Variants in CCND2 observed in about 807,000 individuals in gnomAD.
CCND2 encodes the protein G1/S-specific cyclin-D2.
A neutral mutation model predicts 30.2 loss-of-function variants in CCND2; 6 were observed. The observed-to-expected ratio is 0.20, with a 90% confidence interval of 0.11 to 0.39. The LOEUF is 0.39. Ranked by LOEUF, CCND2 falls within the 10% of genes least tolerant of loss-of-function variation. CCND2 has a pLI of 1.00. For synonymous variants in CCND2, 150 were observed against 153.1 expected, an observed-to-expected ratio of 0.98 and a Z score of 0.15; for missense variants, 235 against 373.4, an observed-to-expected ratio of 0.63 and a Z score of 3.06.
rs1035691680 is a variant in CCND2 at position 4,299,181 on chromosome 12, G to A, written c.721-679G>A. 6.6e-6 allele frequency among the ~76,000 whole-genome samples: 1 copy of A among 152,020 alleles called. No individual in the cohort carries two copies. Among genetic ancestry groups the A allele is most frequent in the Non-Finnish European group, 1.5e-5 (1 of 68,000 alleles). On this transcript the variant is annotated intron_variant, in intron 4 of 4. Transcript: ENST00000261254. This position sits in a 1 kb window ranked among gnomAD's most constrained non-coding sequence, Gnocchi z 5.2. ...TCGAGGCCAGCCTGGCCAATATGGT[G>A]AAACCCTGTCTGTACTAAAAATACA...
chr12:4,297,031 G>A lies in CCND2; in HGVS notation c.721-2829G>A, dbSNP rs139748569. Among the ~76,000 whole-genome samples the A allele has an allele frequency of 4.3e-4, 66 of 152,150 alleles. No individual in the cohort carries two copies. The East Asian group carries it at 8.3e-3, about 19-fold the overall frequency. ...GGCATTTAAGTGAACTCCTTCACAC[G>A]GTGCTCAAGTGGAGAAAGGGCTGTC... On this transcript the variant is annotated intron_variant, in intron 4 of 4. Transcript: ENST00000261254.
chr12:4,279,590 G>A (rs577902991), intron 3 of CCND2, among the ~76,000 whole-genome samples: 2 of 151,748 alleles, frequency 1.3e-5, no homozygotes, highest in African/African-American at 2.4e-5. Context: ...TTGCAATTCC[G>A]CCTACCACGT....
intron 3 of CCND2, among the ~76,000 whole-genome samples, chr12:4,283,476 C>T (rs746647020): frequency 2.0e-5 from 3 of 152,168 alleles, no homozygotes; most frequent in Non-Finnish European, 2.9e-5. Flanking sequence ...AAGTCTCATC[C>T]GGATCCCAGG....
At position 4,284,585 on chromosome 12, in the gene CCND2, G is replaced by A. The variant is rs539442569; in HGVS notation, c.572-4257G>A. Among the ~76,000 whole-genome samples the A allele has an allele frequency of 4.2e-4, 64 of 152,320 alleles. No homozygotes were observed. The Middle Eastern group carries it at 0.014, about 32-fold the overall frequency. On this transcript the variant is annotated intron_variant, in intron 3 of 4. Transcript: ENST00000261254. ...GTCTGGTGGGGACTGGGGCAGGAGTGGAGGCTGCCCAAGCTCCGTGCACTC... is the reference window on the plus strand; with the variant it reads ...GTCTGGTGGGGACTGGGGCAGGAGTAGAGGCTGCCCAAGCTCCGTGCACTC...
rs999057932 is a variant in CCND2 at position 4,282,181 on chromosome 12, G to A, written c.571+3262G>A. 6.6e-6 allele frequency among the ~76,000 whole-genome samples: 1 copy of A among 152,196 alleles called. No individual in the cohort carries two copies. Among genetic ancestry groups the A allele is most frequent in the African/African-American group, 2.4e-5 (1 of 41,452 alleles). ...ATACCATGCTCGGTGGATGATTCCA[G>A]TTAGTCTAGCAGAGCCAATGGCATT... On this transcript the variant is annotated intron_variant, in intron 3 of 4. Coordinates refer to ENST00000261254, the MANE Select transcript of CCND2 (RefSeq NM_001759.4). This position sits in a 1 kb window ranked among gnomAD's most constrained non-coding sequence, Gnocchi z 4.3.
At chr12:4,289,066 A>G in intron 4 of CCND2, 76 bp downstream of exon 4, 13 of 1,392,428 alleles carry the variant, frequency 9.3e-6, no homozygotes, top group Non-Finnish European at 1.1e-5. Context: ...GGATTTGATT[A>G]TGTTGTGTCA....
At chr12:4,286,873 G>A (rs367866739) in intron 3 of CCND2, among the ~76,000 whole-genome samples, 1 of 152,266 alleles carries the variant, frequency 6.6e-6, no homozygotes, top group African/African-American at 2.4e-5. Context: ...AGGGAGGGCC[G>A]GGGATACTTG....
chr12:4,296,308 G>A (rs1365524335), intron 4 of CCND2, among the ~76,000 whole-genome samples: 2 of 152,242 alleles, frequency 1.3e-5, no homozygotes, highest in African/African-American at 4.8e-5. Flanking sequence ...GAGCCCGTGA[G>A]GAAGGAGAGC....
chr12:4,280,312 G>A lies in CCND2; in HGVS notation c.571+1393G>A, dbSNP rs138784806. On this transcript the variant is annotated intron_variant, in intron 3 of 4. Coordinates refer to ENST00000261254, the MANE Select transcript of CCND2 (RefSeq NM_001759.4). ...GCTTTCCTTTTCTGGCTGCCCTTAC[G>A]TGTTTCTAGCAGGACCTGTGTGTTC... 5.9e-5 allele frequency among the ~76,000 whole-genome samples: 9 copies of A among 152,352 alleles called. No individual in the cohort carries two copies. In the East Asian group the frequency reaches 9.6e-4, roughly 16 times the overall value.
At chr12:4,283,780 G>A (rs1423525771) in intron 3 of CCND2, among the ~76,000 whole-genome samples, 2 of 152,182 alleles carry the variant, frequency 1.3e-5, no homozygotes, top group African/African-American at 4.8e-5. Context: ...TCCTTGGCTC[G>A]GGTGAACTGC....
chr12:4,295,797 C>A (rs776593966), intron 4 of CCND2, among the ~76,000 whole-genome samples: 2 of 152,156 alleles, frequency 1.3e-5, no homozygotes, highest in Non-Finnish European at 2.9e-5. Context: ...AAAAGCTGGC[C>A]GTAGTCAAGT....
rs991569134 is a variant in CCND2 at position 4,282,034 on chromosome 12, T to C, written c.571+3115T>C. 2.0e-5 allele frequency among the ~76,000 whole-genome samples: 3 copies of C among 152,152 alleles called. No individual in the cohort carries two copies. Among genetic ancestry groups the C allele is most frequent in the Non-Finnish European group, 4.4e-5 (3 of 68,032 alleles). ...GTTTCCAAAACTGGGGAAGCAGAACTGAGCCATAGCTTCCCTGGTTGCCGC... is the reference window on the plus strand; with the variant it reads ...GTTTCCAAAACTGGGGAAGCAGAACCGAGCCATAGCTTCCCTGGTTGCCGC... On this transcript the variant is annotated intron_variant, in intron 3 of 4. Coordinates refer to ENST00000261254, the MANE Select transcript of CCND2 (RefSeq NM_001759.4). This position sits in a 1 kb window ranked among gnomAD's most constrained non-coding sequence, Gnocchi z 4.3.
At chr12:4,279,748 A>G (rs4372527) in intron 3 of CCND2, among the ~76,000 whole-genome samples, 33,449 of 150,148 alleles carry the variant, frequency 0.22, 4,698 homozygotes, top group Middle Eastern at 0.39. Flanking sequence ...GGTAGTGGCC[A>G]TGGCAGAGAC....
intron 3 of CCND2, among the ~76,000 whole-genome samples, chr12:4,281,316 A>C (rs1221619124): frequency 6.6e-6 from 1 of 152,162 alleles, no homozygotes; most frequent in South Asian, 2.1e-4. Context: ...GGAGTTTTAC[A>C]ACAGTCGGCC....
In CCND2 at chr12:4,276,207, C is replaced by T. The variant is rs1006222339; in HGVS notation, c.398C>T (p.Pro133Leu). ...LCIYTDNSIK[P>L]QELLEWELVV... ...ATTTACACCGACAACTCCATCAAGCCTCAGGAGCTGCTGGTAATGACCGGC... is the reference window on the plus strand; with the variant it reads ...ATTTACACCGACAACTCCATCAAGCTTCAGGAGCTGCTGGTAATGACCGGC... Residue 133 changes from proline to leucine, a missense_variant, in exon 2 of 5, where the codon CCT becomes CTT. By Grantham distance (98) the Pro-to-Leu change is moderately conservative. Transcript: ENST00000261254. The surrounding 1 kb of genome is among the most constrained non-coding windows in gnomAD (Gnocchi z 4.8). The T allele has an allele frequency of 5.0e-6, 8 of 1,613,830 alleles. No homozygotes were observed. Among genetic ancestry groups the T allele is most frequent in the South Asian group, 2.2e-5 (2 of 91,064 alleles).
chr12:4,292,248 T>C (rs957445403), intron 4 of CCND2, among the ~76,000 whole-genome samples: 2 of 152,176 alleles, frequency 1.3e-5, no homozygotes, highest in Non-Finnish European at 2.9e-5. Context: ...TAGGTTGATG[T>C]TGAGCTCTTC....
chr12:4,274,270 A>G lies in CCND2; in HGVS notation c.195+35A>G. The G allele has an allele frequency of 6.2e-7, 1 of 1,604,180 alleles. No homozygotes were observed. The highest frequency in any genetic ancestry group is 1.1e-5 in the South Asian group (1 of 90,590). On this transcript the variant is annotated intron_variant, in intron 1 of 4. Transcript: ENST00000261254. The surrounding 1 kb of genome is among the most constrained non-coding windows in gnomAD (Gnocchi z 7.7). ...GGGGTGGCGCTCGCCAGGAGCCAGGACCCCTCCGGATGCTCGGGTCCCCGG... is the reference window on the plus strand; with the variant it reads ...GGGGTGGCGCTCGCCAGGAGCCAGGGCCCCTCCGGATGCTCGGGTCCCCGG...
In CCND2 at chr12:4,301,956, T is replaced by C. The variant is rs988429256; in HGVS notation, c.*1947T>C. The C allele has an allele frequency of 6.9e-5, 16 of 232,296 alleles. No homozygotes were observed. The highest frequency in any genetic ancestry group is 1.1e-4 in the Admixed American group (2 of 17,714). 14.4% of individuals were successfully genotyped at this position (232,296 alleles called of 1,614,324 possible). On this transcript the variant is annotated 3_prime_UTR_variant, in exon 5 of 5. Transcript: ENST00000261254. ...TTTTGGTTTTTTGGTTTTTTTTTTT[T>C]CCTCTGATCACATTCTTCAAAGACG...
chr12:4,273,924 T>G lies in CCND2; in HGVS notation c.-117T>G. The G allele has an allele frequency of 1.0e-6, 1 of 996,484 alleles. No individual in the cohort carries two copies. Among genetic ancestry groups the G allele is most frequent in the Non-Finnish European group, 1.4e-6 (1 of 691,402 alleles). 61.7% of individuals were successfully genotyped at this position (996,484 alleles called of 1,614,324 possible). Reference sequence around the variant, plus strand: ...CACCTCTCCCCCGAAAACCCCCTATTTAGCCAAAGGAAGGAGGTCAGGGGA... The same window carrying G: ...CACCTCTCCCCCGAAAACCCCCTATGTAGCCAAAGGAAGGAGGTCAGGGGA... On this transcript the variant is annotated 5_prime_UTR_variant, in exon 1 of 5. The change creates a new upstream start codon in the 5' untranslated region. Coordinates refer to ENST00000261254, the MANE Select transcript of CCND2 (RefSeq NM_001759.4). This position sits in a 1 kb window ranked among gnomAD's most constrained non-coding sequence, Gnocchi z 5.9.
Sources: allele counts gnomAD v4.1 joint callset (sites outside exome capture counted in the v4.1 genomes callset), GRCh38; gene constraint gnomAD v4.1.1; non-coding constraint Gnocchi (gnomAD v3.1); transcripts MANE v1.5; gene names NCBI Gene and HGNC (gene_info 2026-07-23, HGNC 2026-07-21).